Variants in SOCS7 observed in about 807,000 individuals in gnomAD.
The protein encoded by SOCS7 is suppressor of cytokine signaling 7.
Under a neutral mutation model 58.9 loss-of-function variants are expected in SOCS7, and 18 were observed. The ratio of observed to expected loss-of-function variants is 0.31; its 90% CI spans 0.21 to 0.45. The LOEUF (loss-of-function observed/expected upper bound fraction) is 0.45. SOCS7 is among the 20% of genes least tolerant of loss of function. SOCS7 has a pLI of 1.00. For synonymous variants in SOCS7, 388 were observed against 364.3 expected (o/e 1.06, Z -0.74); for missense variants, 667 against 837.3 (o/e 0.80, Z 2.51).
intron 7 of SOCS7, among the ~76,000 whole-genome samples, chr17:38,381,578 A>G (rs1838341789): frequency 1.3e-5 from 2 of 152,128 alleles, no homozygotes; most frequent in South Asian, 4.1e-4. Context: ...AAAAAGCAAA[A>G]GAAACTGAGG....
intron 7 of SOCS7, among the ~76,000 whole-genome samples, chr17:38,394,104 C>T (rs1173997348): frequency 6.6e-6 from 1 of 152,166 alleles, no homozygotes; most frequent in African/African-American, 2.4e-5. Flanking sequence ...GCAAAATATT[C>T]TTAGTTCCCT....
At chr17:38,356,385 T>C (rs1474710799) in intron 1 of SOCS7, among the ~76,000 whole-genome samples, 5 of 151,242 alleles carry the variant, frequency 3.3e-5, no homozygotes, top group African/African-American at 1.2e-4. Context: ...CATCTTTTTT[T>C]TGGGGCCGGG....
At position 38,352,470 on chromosome 17, in the gene SOCS7, G is replaced by C. The variant is rs1198737858; in HGVS notation, c.418G>C (p.Val140Leu). The change falls in exon 1 of 10, where the codon GTC becomes CTC. Residue 140 changes from valine to leucine, a missense_variant. Physicochemically the swap from Val to Leu is conservative, Grantham distance 32. Around this residue, in one of 9 missense-constraint regions of SOCS7, gnomAD observed 154 missense variants for 156.3 expected, o/e 0.98. Transcript: ENST00000612932. This position sits in a 1 kb window ranked among gnomAD's most constrained non-coding sequence, Gnocchi z 5.5. ...GCCGGCGGGGCCGGGGGTCAAGACA[G>C]TCGGTGGGGGTTGCTGCCCGTGTCC... ...GQPAGPGVKT[V>L]GGGCCPCPCP... 3 of 1,512,822 alleles carry C rather than the reference G, an allele frequency of 2.0e-6. No individual in the cohort carries two copies. Among genetic ancestry groups the C allele is most frequent in the East Asian group, 2.5e-5 (1 of 40,492 alleles). The allele number at this position is 1,512,822 out of a possible 1,614,324, so 93.7% of individuals were successfully genotyped here.
rs1385057999 is a variant in SOCS7, at chr17:38,353,001, G to A, written c.949G>A (p.Gly317Ser). Residue 317 changes from glycine (G) to serine (S), a missense_variant, in exon 1 of 10, where the codon GGC becomes AGC. Around this residue, in one of 9 missense-constraint regions of SOCS7, gnomAD observed 208 missense variants for 190.3 expected, o/e 1.09. Coordinates refer to ENST00000612932, the MANE Select transcript of SOCS7 (RefSeq NM_014598.4). ...AGCTGCGAGCCTGACAGACATGGGA[G>A]GCTCTGCGGGCCGGGAGCTGGACGC... ...ASAASLTDMGGSAGRELDAGR... is the reference protein window; with the variant it reads ...ASAASLTDMGSSAGRELDAGR... The A allele has an allele frequency of 1.6e-5, 26 of 1,597,926 alleles. No homozygotes were observed. Among genetic ancestry groups the A allele is most frequent in the Non-Finnish European group, 2.1e-5 (25 of 1,172,798 alleles).
chr17:38,389,870 T>TATATATATGTACATATATATATATGTAC (rs1567750830), intron 7 of SOCS7, among the ~76,000 whole-genome samples: 4 of 95,346 alleles, frequency 4.2e-5, no homozygotes, highest in African/African-American at 1.3e-4. Flanking sequence ...TGTGTGTACA[T>TATATATATGTACATATATATATATGTAC]ATATATATAT....
rs937598498 is a variant in SOCS7, at chr17:38,404,609, T to G, written c.*5127T>G. The G allele has an allele frequency of 1.1e-4, 16 of 152,368 alleles. No individual in the cohort carries two copies. Among genetic ancestry groups the G allele is most frequent in the Admixed American group, 8.5e-4 (13 of 15,298 alleles). The allele number at this position is 152,368 out of a possible 1,614,324, so 9.4% of individuals were successfully genotyped here. A position where few individuals can be genotyped will look rare whatever the true frequency, so the allele number is the denominator to read the frequency against. On this transcript the variant is annotated 3_prime_UTR_variant, in exon 10 of 10. Coordinates refer to ENST00000612932, the MANE Select transcript of SOCS7 (RefSeq NM_014598.4). ...GAAGACATGCATGTTTGGTTGCAGC[T>G]GGACTGCGATCGTAGTTCCTCCTGG...
chr17:38,382,181 C>T, intron 7 of SOCS7, among the ~76,000 whole-genome samples: 2 of 151,782 alleles, frequency 1.3e-5, no homozygotes, highest in Non-Finnish European at 2.9e-5. Flanking sequence ...GTAATCCCAG[C>T]ACTTTGGGAG....
At chr17:38,388,162 C>T (rs550354560) in intron 7 of SOCS7, among the ~76,000 whole-genome samples, 8 of 152,116 alleles carry the variant, frequency 5.3e-5, no homozygotes, top group East Asian at 3.9e-4. Flanking sequence ...CTCTTCATGT[C>T]GGGGTATTTT....
intron 9 of SOCS7, 79 bp downstream of exon 9, chr17:38,396,077 C>T: frequency 8.5e-7 from 1 of 1,180,022 alleles, no homozygotes; most frequent in Non-Finnish European, 1.1e-6. Flanking sequence ...TGGGCCCCCT[C>T]CCCACAACTC....
chr17:38,356,340 C>T (rs1555566790), intron 1 of SOCS7, among the ~76,000 whole-genome samples: 1 of 151,588 alleles, frequency 6.6e-6, no homozygotes, highest in African/African-American at 2.4e-5. Context: ...TATGATGTGC[C>T]ACTGCATTCC....
At chr17:38,387,139 A>ATGTGTG (rs2038085724) in intron 7 of SOCS7, among the ~76,000 whole-genome samples, 2 of 120,278 alleles carry the variant, frequency 1.7e-5, no homozygotes, top group African/African-American at 7.2e-5. Context: ...GTATGTATAT[A>ATGTGTG]TATATATATA....
chr17:38,362,226 A>C (rs2095323371), intron 2 of SOCS7, among the ~76,000 whole-genome samples: 1 of 152,220 alleles, frequency 6.6e-6, no homozygotes, highest in African/African-American at 2.4e-5. Flanking sequence ...AGGGGATTAC[A>C]TGAGCTCTTG....
chr17:38,395,402 A>G lies in SOCS7; in HGVS notation c.1775A>G (p.Gln592Arg), dbSNP rs904017567. ...LQHLCRFRIR[Q>R]LVRIDHIPDL... Reference sequence around the variant, plus strand: ...CACCTTTGCAGATTCCGGATACGACAGCTCGTCAGGATAGATCACATCCCA... The same window carrying G: ...CACCTTTGCAGATTCCGGATACGACGGCTCGTCAGGATAGATCACATCCCA... The change falls in exon 8 of 10, where the codon CAG (glutamine) becomes CGG (arginine). Residue 592 changes from glutamine (Q) to arginine (R), a missense_variant. Gln to Arg is a conservative substitution (Grantham distance 43). Coordinates refer to ENST00000612932, the MANE Select transcript of SOCS7 (RefSeq NM_014598.4). 6 of 1,614,210 alleles carry G rather than the reference A, an allele frequency of 3.7e-6. No individual in the cohort carries two copies. The highest frequency in any genetic ancestry group is 5.1e-6 in the Non-Finnish European group (6 of 1,180,034).
intron 6 of SOCS7, among the ~76,000 whole-genome samples, chr17:38,371,754 GTTTTTTTTTTT>G (rs770296566): frequency 2.8e-5 from 2 of 72,196 alleles, no homozygotes; most frequent in Non-Finnish European, 5.3e-5. Context: ...GCCCTTTTGT[GTTTTTTTTTTT>G]TTTTTTTTTT....
intron 1 of SOCS7, among the ~76,000 whole-genome samples, chr17:38,360,877 A>G (rs2037709820): frequency 6.6e-6 from 1 of 152,218 alleles, no homozygotes; most frequent in African/African-American, 2.4e-5. Context: ...CAAGTTCAGT[A>G]ATTCTGAGGT....
chr17:38,374,486 A>G (rs961042023), intron 6 of SOCS7, among the ~76,000 whole-genome samples: 1 of 152,110 alleles, frequency 6.6e-6, no homozygotes, highest in Non-Finnish European at 1.5e-5. Flanking sequence ...CAGCCTGGGC[A>G]ACAGAGTGAG....
Position 38,386,323 on chromosome 17 carries a change from C to CAAAAA in SOCS7, c.1681+8502_1681+8506dup, listed in dbSNP as rs548448434. 8.7e-3 allele frequency among the ~76,000 whole-genome samples: 449 copies of CAAAAA among 51,788 alleles called. 20 individuals are homozygous for CAAAAA. The highest frequency in any genetic ancestry group is 0.022 in the African/African-American group (292 of 13,040). The allele number at this position is 51,788 out of a possible 152,430, so 34.0% of individuals were successfully genotyped here. On this transcript the variant is annotated intron_variant, in intron 7 of 9. Coordinates refer to ENST00000612932, the MANE Select transcript of SOCS7 (RefSeq NM_014598.4). ...TGGGCAAAAGAGGGAGGCTGTGTCT[C>CAAAAA]AAAAAAAAAAAAAAAAAAAAAAAAA...
intron 1 of SOCS7, 60 bp from the exon 2 acceptor site, chr17:38,361,651 C>G: frequency 7.6e-7 from 1 of 1,318,656 alleles, no homozygotes; most frequent in Non-Finnish European, 1.1e-6. Context: ...GTTGTGGTGA[C>G]TTAAATGCAT....
chr17:38,379,779 A>G (rs1172818444), intron 7 of SOCS7, among the ~76,000 whole-genome samples: 1 of 152,164 alleles, frequency 6.6e-6, no homozygotes, highest in Non-Finnish European at 1.5e-5. Context: ...TTAAAGGGAA[A>G]AGTTAGATTC....
Sources: allele counts gnomAD v4.1 joint callset (sites outside exome capture counted in the v4.1 genomes callset), GRCh38; gene constraint gnomAD v4.1.1; regional missense constraint gnomAD v4.1.1; non-coding constraint Gnocchi (gnomAD v3.1); transcripts MANE v1.5; gene names NCBI Gene and HGNC (gene_info 2026-07-23, HGNC 2026-07-21).